CHCHD6: variants seen among roughly 807,000 people sequenced by gnomAD.
CHCHD6 encodes MICOS complex subunit MIC25.
CHCHD6 carries 28 observed loss-of-function variants against 32.3 expected under a neutral mutation model. The observed-to-expected ratio is 0.87, with a 90% CI of 0.64 to 1.19. CHCHD6 has a LOEUF of 1.19. CHCHD6 is among the 50% of genes most tolerant of loss of function. The probability of loss-of-function intolerance (pLI) is 0.00; values close to 1 mark genes in which losing one functional copy is unlikely to be tolerated. For missense variants in CHCHD6, 333 were observed against 307.0 expected (o/e 1.08, Z -0.63); for synonymous variants, 122 against 117.5 (o/e 1.04, Z -0.25).
chr3:126,754,490 T>TGGCA (rs938876543), intron 4 of CHCHD6, among the ~76,000 whole-genome samples: 81 of 152,360 alleles, frequency 5.3e-4, no homozygotes, highest in African/African-American at 1.9e-3. Flanking sequence ...GAACACCCAG[T>TGGCA]GGCACCCTTT....
At chr3:126,714,283 T>C (rs929384249) in intron 1 of CHCHD6, among the ~76,000 whole-genome samples, 4 of 152,094 alleles carry the variant, frequency 2.6e-5, no homozygotes, top group Non-Finnish European at 4.4e-5. Flanking sequence ...TAAATTTTAT[T>C]TTTTAAAATC....
intron 4 of CHCHD6, among the ~76,000 whole-genome samples, chr3:126,751,715 A>G (rs1411568641): frequency 6.6e-6 from 1 of 152,088 alleles, no homozygotes; most frequent in Non-Finnish European, 1.5e-5. Context: ...GTGTGAATTC[A>G]GGAGCCGGGT....
At chr3:126,805,171 A>G (rs111451041) in intron 4 of CHCHD6, among the ~76,000 whole-genome samples, 4 of 152,190 alleles carry the variant, frequency 2.6e-5, no homozygotes, top group Non-Finnish European at 4.4e-5. Context: ...CACCACCCCT[A>G]TTCAACATAG....
At chr3:126,815,458 C>T (rs935306739) in intron 4 of CHCHD6, among the ~76,000 whole-genome samples, 4 of 152,188 alleles carry the variant, frequency 2.6e-5, no homozygotes, top group African/African-American at 7.2e-5. Flanking sequence ...TGGATCCCAG[C>T]GCCCTCCACC....
intron 6 of CHCHD6, among the ~76,000 whole-genome samples, chr3:126,946,270 C>T (rs899565602): frequency 3.9e-5 from 6 of 152,222 alleles, no homozygotes; most frequent in Non-Finnish European, 8.8e-5. Flanking sequence ...AAGCGCCCCA[C>T]CTGGCTTCCT....
At chr3:126,783,434 T>C (rs1938048241) in intron 4 of CHCHD6, among the ~76,000 whole-genome samples, 1 of 152,184 alleles carries the variant, frequency 6.6e-6, no homozygotes, top group African/African-American at 2.4e-5. Flanking sequence ...AACACAGGGC[T>C]CGAAGTCCTA....
At chr3:126,872,957 T>A (rs930610209) in intron 5 of CHCHD6, among the ~76,000 whole-genome samples, 6 of 152,216 alleles carry the variant, frequency 3.9e-5, no homozygotes, top group African/African-American at 1.4e-4. Flanking sequence ...GGAGTGTACT[T>A]TTTTGACAGG....
intron 4 of CHCHD6, among the ~76,000 whole-genome samples, chr3:126,824,767 C>T (rs1202707180): frequency 1.3e-5 from 2 of 151,444 alleles, no homozygotes; most frequent in East Asian, 2.0e-4. Context: ...TTAGCAGAGA[C>T]GGGATTTCAC....
At chr3:126,913,332 C>T (rs940085499) in intron 5 of CHCHD6, among the ~76,000 whole-genome samples, 2 of 143,868 alleles carry the variant, frequency 1.4e-5, no homozygotes, top group Non-Finnish European at 3.0e-5. Flanking sequence ...TGGGTTCAAG[C>T]GATTCTCATG....
chr3:126,768,996 A>T (rs1937488895), intron 4 of CHCHD6, among the ~76,000 whole-genome samples: 1 of 152,064 alleles, frequency 6.6e-6, no homozygotes, highest in South Asian at 2.1e-4. Context: ...TCGCACGTTT[A>T]CTCTGTTGAT....
intron 5 of CHCHD6, among the ~76,000 whole-genome samples, chr3:126,853,133 T>G (rs1941535070): frequency 6.6e-6 from 1 of 152,082 alleles, no homozygotes; most frequent in Non-Finnish European, 1.5e-5. Context: ...CATTAAAGTT[T>G]TATTATTGAT....
At chr3:126,937,653 G>A (rs2078500107) in intron 6 of CHCHD6, among the ~76,000 whole-genome samples, 1 of 152,150 alleles carries the variant, frequency 6.6e-6, no homozygotes. Flanking sequence ...GCCTGTTCAC[G>A]GGCTTTCCTG....
intron 5 of CHCHD6, among the ~76,000 whole-genome samples, chr3:126,862,343 C>T (rs1941943988): frequency 7.1e-6 from 1 of 141,358 alleles, no homozygotes; most frequent in African/African-American, 2.7e-5. Context: ...ATCACCTCCT[C>T]CTCCCCCACT....
At chr3:126,717,228 A>G (rs1281825721) in intron 1 of CHCHD6, among the ~76,000 whole-genome samples, 1 of 152,124 alleles carries the variant, frequency 6.6e-6, no homozygotes, top group Non-Finnish European at 1.5e-5. Context: ...GTGCACAGTG[A>G]GTGCTGGATG....
intron 4 of CHCHD6, among the ~76,000 whole-genome samples, chr3:126,810,327 G>A (rs1939603441): frequency 6.6e-6 from 1 of 152,176 alleles, no homozygotes; most frequent in African/African-American, 2.4e-5. Flanking sequence ...AGGTACGTGT[G>A]CAAGAGCAAA....
chr3:126,757,414 G>A (rs1936995854), intron 4 of CHCHD6, among the ~76,000 whole-genome samples: 1 of 152,160 alleles, frequency 6.6e-6, no homozygotes, highest in African/African-American at 2.4e-5. Flanking sequence ...GTGGGGCAGG[G>A]GGGCTCAAAA....
intron 4 of CHCHD6, among the ~76,000 whole-genome samples, chr3:126,834,556 C>A (rs143947618): frequency 6.6e-6 from 1 of 152,168 alleles, no homozygotes; most frequent in African/African-American, 2.4e-5. Context: ...CTACCAGTTG[C>A]ATCATTGTAC....
chr3:126,844,158 C>T (rs1293330203), intron 4 of CHCHD6, among the ~76,000 whole-genome samples: 4 of 152,114 alleles, frequency 2.6e-5, no homozygotes, highest in Non-Finnish European at 5.9e-5. Context: ...AGTGACTGTT[C>T]CATGTGTATT....
chr3:126,879,530 G>A (rs560455904), intron 5 of CHCHD6, among the ~76,000 whole-genome samples: 46 of 152,178 alleles, frequency 3.0e-4, no homozygotes, highest in Non-Finnish European at 5.7e-4. Context: ...AAACAAATGT[G>A]CCAGACTCTT....
Sources: allele counts gnomAD v4.1 joint callset (sites outside exome capture counted in the v4.1 genomes callset), GRCh38; gene constraint gnomAD v4.1.1; transcripts MANE v1.5; gene names NCBI Gene and HGNC (gene_info 2026-07-23, HGNC 2026-07-21).